Variants in PIEZO2 observed in about 807,000 individuals in gnomAD.
PIEZO2 encodes piezo-type mechanosensitive ion channel component 2.
PIEZO2 carries 172 observed loss-of-function variants against 337.3 expected under a neutral mutation model. The ratio of observed to expected loss-of-function variants is 0.51; its 90% CI spans 0.45 to 0.58. The LOEUF is 0.58. Among genes scored for constraint, PIEZO2 ranks in the 20% least tolerant of loss-of-function variants. The pLI is 0.00. For missense variants in PIEZO2, 3,028 were observed against 3,391.3 expected (o/e 0.89, Z 2.66); for synonymous variants, 1,251 against 1,228.5 (o/e 1.02, Z -0.38).
At chr18:10,817,113 A>G (rs1406326548) in intron 7 of PIEZO2, among the ~76,000 whole-genome samples, 1 of 152,220 alleles carries the variant, frequency 6.6e-6, no homozygotes, top group Non-Finnish European at 1.5e-5. Context: ...TACACATTAA[A>G]GTTTGGGAAG....
Position 10,672,933 on chromosome 18 carries a change from C to G in PIEZO2, c.8162-60G>C. The G allele has an allele frequency of 7.1e-7, 1 of 1,404,330 alleles. No homozygotes were observed. The allele number at this position is 1,404,330 out of a possible 1,614,324, so 87.0% of individuals were successfully genotyped here. A position where few individuals can be genotyped will look rare whatever the true frequency, so the allele number is the denominator to read the frequency against. On this transcript the variant is annotated intron_variant, in intron 54 of 55. Coordinates refer to ENST00000674853, the MANE Select transcript of PIEZO2 (RefSeq NM_001378183.1). The surrounding 1 kb of genome is among the most constrained non-coding windows in gnomAD (Gnocchi z 4.7). ...GAGAATTTTAGGATTTCATGCACAG[C>G]AACAGTTTTCAGATGGCAAAATCTG... is the stretch of plus-strand genomic sequence containing the variant.
At chr18:11,088,233 T>A (rs1040650220) in intron 1 of PIEZO2, among the ~76,000 whole-genome samples, 50 of 152,316 alleles carry the variant, frequency 3.3e-4, no homozygotes, top group African/African-American at 1.1e-3. Flanking sequence ...AATGAATGCA[T>A]GAAAAGTGGG....
chr18:11,056,229 G>C (rs1365041589), intron 2 of PIEZO2, among the ~76,000 whole-genome samples: 1 of 152,164 alleles, frequency 6.6e-6, no homozygotes, highest in Non-Finnish European at 1.5e-5. Flanking sequence ...CCTGGCCGGG[G>C]AAGAGAAGTT....
rs1360488537 is a variant in PIEZO2 at position 11,009,072 on chromosome 18, T to C, written c.161-29412A>G. On this transcript the variant is annotated intron_variant, in intron 2 of 55. Coordinates refer to ENST00000674853, the MANE Select transcript of PIEZO2 (RefSeq NM_001378183.1). This position sits in a 1 kb window ranked among gnomAD's most constrained non-coding sequence, Gnocchi z 4.6. ...GATTGAATTCTGTTACTTAACTACG[T>C]ACGTGATTGTGTTCAAATCCTTCAG... Among the ~76,000 whole-genome samples the C allele has an allele frequency of 6.6e-6, 1 of 152,262 alleles. No individual in the cohort carries two copies. The highest frequency in any genetic ancestry group is 2.4e-5 in the African/African-American group (1 of 41,478).
Position 10,878,792 on chromosome 18 carries a change from A to G in PIEZO2, c.330-7377T>C, listed in dbSNP as rs1321466321. Among the ~76,000 whole-genome samples the G allele has an allele frequency of 6.6e-6, 1 of 152,074 alleles. No homozygotes were observed. The highest frequency in any genetic ancestry group is 1.9e-4 in the East Asian group (1 of 5,196). ...AAGCTTGGATGTTTTGAAAAAAAAA[A>G]AAAATCACATAACCAGAACTACAGA... is the stretch of plus-strand genomic sequence containing the variant. On this transcript the variant is annotated intron_variant, in intron 4 of 55. Coordinates refer to ENST00000674853, the MANE Select transcript of PIEZO2 (RefSeq NM_001378183.1). The surrounding 1 kb of genome is among the most constrained non-coding windows in gnomAD (Gnocchi z 4.3).
rs1048175979 is a variant in PIEZO2 at position 10,821,136 on chromosome 18, A to T, written c.918-13862T>A. 2.6e-5 allele frequency among the ~76,000 whole-genome samples: 4 copies of T among 151,972 alleles called. No individual in the cohort carries two copies. The highest frequency in any genetic ancestry group is 9.7e-5 in the African/African-American group (4 of 41,388). On this transcript the variant is annotated intron_variant, in intron 7 of 55. Coordinates refer to ENST00000674853, the MANE Select transcript of PIEZO2 (RefSeq NM_001378183.1). This position sits in a 1 kb window ranked among gnomAD's most constrained non-coding sequence, Gnocchi z 4.2. ...CTGTGCCACAAATATCAGCCTTCTC[A>T]TCCTCTCCAAATTCCCATCTTCAGC...
chr18:10,809,654 C>T (rs1381286881), intron 7 of PIEZO2, among the ~76,000 whole-genome samples: 1 of 151,916 alleles, frequency 6.6e-6, no homozygotes, highest in Non-Finnish European at 1.5e-5. Flanking sequence ...ACTTGAAGTT[C>T]ACATCCTTTC....
chr18:10,690,651 T>G (rs1484260782), intron 48 of PIEZO2, among the ~76,000 whole-genome samples: 1 of 152,204 alleles, frequency 6.6e-6, no homozygotes, highest in Non-Finnish European at 1.5e-5. Context: ...CCACGGACTG[T>G]CTCACTTTTT....
rs1248247649 is a variant in PIEZO2 at position 10,724,614 on chromosome 18, CAGAA to C, written c.5030-6359_5030-6356del. ...ACCCAGCTGGATGTGACCCCCAAGA[CAGAA>C]TGGTGCTGGACTCGGGGTCTCAGGC... On this transcript the variant is annotated intron_variant, in intron 36 of 55. Coordinates refer to ENST00000674853, the MANE Select transcript of PIEZO2 (RefSeq NM_001378183.1). This position sits in a 1 kb window ranked among gnomAD's most constrained non-coding sequence, Gnocchi z 5.8. 1.3e-4 allele frequency: 89 copies of C among 662,248 alleles called. No homozygotes were observed. The highest frequency in any genetic ancestry group is 7.7e-4 in the Middle Eastern group (3 of 3,916). 41.0% of individuals were successfully genotyped at this position (662,248 alleles called of 1,614,324 possible). A position where few individuals can be genotyped will look rare whatever the true frequency, so the allele number is the denominator to read the frequency against.
intron 18 of PIEZO2, among the ~76,000 whole-genome samples, chr18:10,779,938 T>A (rs1309617936): frequency 6.6e-6 from 1 of 152,192 alleles, no homozygotes; most frequent in Non-Finnish European, 1.5e-5. Flanking sequence ...GGATTACTCT[T>A]AGCAGGAATG....
rs1246532786 is a variant in PIEZO2, at chr18:10,797,432, A to C, written c.1469T>G (p.Val490Gly). The change falls in exon 12 of 56, where the codon GTC becomes GGC. Residue 490 changes from valine (V) to glycine (G), a missense_variant. By Grantham distance (109) the Val-to-Gly change is moderately radical. Transcript: ENST00000674853. Reference sequence around the variant, plus strand: ...TTTCATAATAAATTGGAATACGGAGACCATGGCATGAACTTTGATACTTCT... The same window carrying C: ...TTTCATAATAAATTGGAATACGGAGCCCATGGCATGAACTTTGATACTTCT... ...EKRSIKVHAM[V>G]SVFQFIMKQS... 6.5e-7 allele frequency: 1 copy of C among 1,537,060 alleles called. No individual in the cohort carries two copies. Among genetic ancestry groups the C allele is most frequent in the Non-Finnish European group, 8.7e-7 (1 of 1,146,910 alleles).
rs8089969 is a variant in PIEZO2 at position 11,048,412 on chromosome 18, C to A, written c.160+17715G>T. ...ATTCTGTGACCAAAGGAAATGAATG[C>A]ATATTTTGTACCAGTATTCTCAGTG... On this transcript the variant is annotated intron_variant, in intron 2 of 55. Coordinates refer to ENST00000674853, the MANE Select transcript of PIEZO2 (RefSeq NM_001378183.1). This position sits in a 1 kb window ranked among gnomAD's most constrained non-coding sequence, Gnocchi z 4.5. Among the ~76,000 whole-genome samples, 1,550 of 152,242 alleles carry A rather than the reference C, an allele frequency of 0.01. 33 individuals carry two copies. Among genetic ancestry groups the A allele is most frequent in the African/African-American group, 0.035 (1,473 of 41,528 alleles).
intron 1 of PIEZO2, among the ~76,000 whole-genome samples, chr18:11,114,936 T>C (rs2039844459): frequency 6.6e-6 from 1 of 152,210 alleles, no homozygotes; most frequent in South Asian, 2.1e-4. Context: ...TTTGTTTGAC[T>C]TTGAACTAAA....
At chr18:10,756,295 T>C (rs552922560) in intron 27 of PIEZO2, among the ~76,000 whole-genome samples, 1 of 149,202 alleles carries the variant, frequency 6.7e-6, no homozygotes, top group African/African-American at 2.5e-5. Flanking sequence ...GGATGCAGGA[T>C]GAGAAGGAGA....
intron 30 of PIEZO2, 38 bp from the exon 31 acceptor site, chr18:10,744,269 T>C: frequency 7.8e-7 from 1 of 1,274,500 alleles, no homozygotes; most frequent in Non-Finnish European, 1.1e-6. Context: ...GTCAATATTC[T>C]TGCCATTGTT....
chr18:10,701,846 A>G (rs201562429), intron 43 of PIEZO2, 143 bp downstream of exon 43: 15 of 313,158 alleles, frequency 4.8e-5, no homozygotes, highest in Non-Finnish European at 7.4e-5. Context: ...TTTTTTTTTT[A>G]AAAAAAACAT....
chr18:11,103,114 G>C (rs1054203336), intron 1 of PIEZO2, among the ~76,000 whole-genome samples: 1 of 152,000 alleles, frequency 6.6e-6, no homozygotes, highest in Non-Finnish European at 1.5e-5. Context: ...CAATGAGAGG[G>C]GAGACATGGA....
At chr18:11,139,458 C>G (rs4424961) in intron 1 of PIEZO2, among the ~76,000 whole-genome samples, 54,645 of 151,940 alleles carry the variant, frequency 0.36, 10,078 homozygotes, top group East Asian at 0.46. Context: ...TGATAAGCCC[C>G]TAATTGCCCA....
At chr18:11,041,258 C>G (rs2037109713) in intron 2 of PIEZO2, among the ~76,000 whole-genome samples, 2 of 152,174 alleles carry the variant, frequency 1.3e-5, no homozygotes, top group South Asian at 4.1e-4. Flanking sequence ...ATTCAAAGTT[C>G]AGAGAAGCTG....
Sources: gnomAD v4.1 joint callset for allele counts (sites outside exome capture counted in the v4.1 genomes callset) on GRCh38, gnomAD v4.1.1 for gene constraint, Gnocchi (gnomAD v3.1) non-coding constraint, MANE v1.5 for transcripts, NCBI Gene and HGNC (gene_info 2026-07-23, HGNC 2026-07-21) for gene names.